The following ABCC12 variants were observed in gnomAD, a reference collection of about 807,000 sequenced individuals.
ABCC12 encodes ATP binding cassette subfamily C member 12.
In ABCC12, 142 loss-of-function variants were observed where a neutral mutation model predicts 151.1. The ratio of observed to expected loss-of-function variants is 0.94; its 90% CI spans 0.82 to 1.08. The LOEUF is 1.08. ABCC12 is among the 50% of genes least tolerant of loss of function. The probability of loss-of-function intolerance (pLI) is 0.00; values close to 1 mark genes in which losing one functional copy is unlikely to be tolerated. For missense variants in ABCC12, 1,638 were observed against 1,691.1 expected, an observed-to-expected ratio of 0.97 and a Z score of 0.55; for synonymous variants, 645 against 646.4, an observed-to-expected ratio of 1.00 and a Z score of 0.03.
chr16:48,133,611 C>T (rs754585087), intron 9 of ABCC12, 76 bp downstream of exon 9: 162 of 1,532,384 alleles, frequency 1.1e-4, no homozygotes, highest in Middle Eastern at 2.3e-4. Context: ...TATTGAGCGA[C>T]GGTAGGAAGG....
At chr16:48,103,908 A>G (rs1963390622) in intron 22 of ABCC12, among the ~76,000 whole-genome samples, 1 of 152,238 alleles carries the variant, frequency 6.6e-6, no homozygotes, top group Non-Finnish European at 1.5e-5. Flanking sequence ...AATCATGGCT[A>G]CTAGTTTCTT....
chr16:48,139,414 C>T, intron 6 of ABCC12, 78 bp from the exon 7 acceptor site: 1 of 1,462,630 alleles, frequency 6.8e-7, no homozygotes, highest in Non-Finnish European at 9.2e-7. Flanking sequence ...TTCAGATTGG[C>T]CGAGGGGATC....
At position 48,115,527 on chromosome 16, in the gene ABCC12, A is replaced by G; in HGVS notation, c.1877T>C (p.Leu626Pro). 2 of 1,614,220 alleles carry G rather than the reference A, an allele frequency of 1.2e-6. No individual in the cohort carries two copies. Among genetic ancestry groups the G allele is most frequent in the Non-Finnish European group, 1.7e-6 (2 of 1,180,032 alleles). The change falls in exon 15 of 31, where the codon CTG becomes CCG. Residue 626 changes from leucine to proline, a missense_variant. Transcript: ENST00000311303. ...GTCCACGGCCGACAGGGGGTCGTCC[A>G]GCAGGTAGAGCTGACGGTCGGAGTA... ...AVYSDRQLYL[L>P]DDPLSAVDAH...
intron 24 of ABCC12, 66 bp from the exon 25 acceptor site, chr16:48,091,275 T>G (rs368389616): frequency 1.8e-5 from 25 of 1,414,796 alleles, no homozygotes; most frequent in Non-Finnish European, 2.5e-5. Context: ...CAGCTCCCCG[T>G]TCAGGAGGCA....
Position 48,083,994 on chromosome 16 carries a change from A to G in ABCC12, c.3908T>C (p.Phe1303Ser). Residue 1303 changes from phenylalanine to serine, a missense_variant, in exon 30 of 31, where the codon TTC (phenylalanine) becomes TCC (serine). Coordinates refer to ENST00000311303, the MANE Select transcript of ABCC12 (RefSeq NM_001393797.1). ...TLVQNTIKDA[F>S]KGCTVLTIAH... ...GATGGTCAGCACAGTGCAGCCCTTG[A>G]AGGCATCTTTGATGGTGTTCTGAAC... 2 of 1,612,852 alleles carry G rather than the reference A, an allele frequency of 1.2e-6. No individual in the cohort carries two copies. The highest frequency in any genetic ancestry group is 1.7e-6 in the Non-Finnish European group (2 of 1,179,726).
chr16:48,110,734 T>C (rs987351487), intron 18 of ABCC12, among the ~76,000 whole-genome samples: 2 of 152,050 alleles, frequency 1.3e-5, no homozygotes, highest in African/African-American at 4.8e-5. Context: ...GAGGGACCAG[T>C]CCGAAGGCCA....
intron 21 of ABCC12, among the ~76,000 whole-genome samples, chr16:48,104,834 C>T (rs1963431656): frequency 1.3e-5 from 2 of 152,214 alleles, no homozygotes; most frequent in African/African-American, 2.4e-5. Flanking sequence ...TCTTGAGGGC[C>T]GTGTCGCACT....
chr16:48,153,956 C>G (rs1965150284), intron 1 of ABCC12, 72 bp from the exon 2 acceptor site: 1 of 152,214 alleles, frequency 6.6e-6, no homozygotes, highest in Non-Finnish European at 1.5e-5. Flanking sequence ...CCCCGTCTGT[C>G]ACGCCATCCT....
Position 48,128,618 on chromosome 16 carries a change from G to A in ABCC12, c.1356C>T (p.Thr452=), listed in dbSNP as rs1240481930. The change falls in exon 11 of 31, where the codon ACC becomes ACT. Residue 452 remains threonine (T), a synonymous_variant. Coordinates refer to ENST00000311303, the MANE Select transcript of ABCC12 (RefSeq NM_001393797.1). The stretch of plus-strand genomic sequence containing the variant: ...TTTTCTGGTTCTGCAATTTCTTTGG[G>A]GTACTTTTCCTGCTGGCTTCATGCT... The part of the protein sequence containing the change: ...TWEHEASRKS[T]PKKLQNQKRH... 6.2e-7 allele frequency: 1 copy of A among 1,614,146 alleles called. No homozygotes were observed. Among genetic ancestry groups the A allele is most frequent in the Non-Finnish European group, 8.5e-7 (1 of 1,180,034 alleles).
chr16:48,116,030 G>A (rs1409095418), intron 14 of ABCC12, among the ~76,000 whole-genome samples: 1 of 152,190 alleles, frequency 6.6e-6, no homozygotes, highest in South Asian at 2.1e-4. Flanking sequence ...ATGGAAAAGC[G>A]AGTTCCCTAT....
chr16:48,088,456 C>G, intron 26 of ABCC12, 89 bp downstream of exon 26: 1 of 1,423,282 alleles, frequency 7.0e-7, no homozygotes, highest in Non-Finnish European at 9.6e-7. Context: ...CACACATACA[C>G]ATCACTCTCT....
At position 48,088,703 on chromosome 16, in the gene ABCC12, T is replaced by G; in HGVS notation, c.3317A>C (p.Lys1106Thr). 6.2e-7 allele frequency: 1 copy of G among 1,613,838 alleles called. No individual in the cohort carries two copies. Among genetic ancestry groups the G allele is most frequent in the Admixed American group, 1.7e-5 (1 of 59,996 alleles). The change falls in exon 26 of 31, where the codon AAA (lysine) becomes ACA (threonine). Residue 1106 changes from lysine (K) to threonine (T), a missense_variant. Transcript: ENST00000311303. ...TCVPECTHPLKVGTCPKDWPS... is the reference protein window; with the variant it reads ...TCVPECTHPLTVGTCPKDWPS... ...CCAGTCCTTGGGACAGGTCCCCACT[T>G]TGAGGGGATGAGTGCATTCAGGAAC...
Position 48,128,537 on chromosome 16 carries a change from G to A in ABCC12, c.1437C>T (p.Ala479=). The change falls in exon 11 of 31, where the codon GCC becomes GCT. Residue 479 remains alanine, a synonymous_variant. Coordinates refer to ENST00000311303, the MANE Select transcript of ABCC12 (RefSeq NM_001393797.1). ...GCTCCTCTGGGCCAGTGGCTCCCTT[G>A]GCTGGTGGACTCCTCTCACTGTATG... The part of the protein sequence containing the change: ...SEAYSERSPP[A]KGATGPEEQS... 1 of 1,614,204 alleles carries A rather than the reference G, an allele frequency of 6.2e-7. No homozygotes were observed. The highest frequency in any genetic ancestry group is 8.5e-7 in the Non-Finnish European group (1 of 1,180,042).
chr16:48,117,213 A>T (rs755528733), intron 14 of ABCC12, 48 bp downstream of exon 14: 1 of 1,567,830 alleles, frequency 6.4e-7, no homozygotes, highest in Admixed American at 1.8e-5. Flanking sequence ...ACCTGAGCAA[A>T]TGTACTGTGT....
rs1962404391 is a variant in ABCC12 at position 48,082,923 on chromosome 16, C to A, written c.*792G>T. ...ACCAGCCTCCAGGTTGGAGAGAAAG[C>A]TTTTTGTTTGGTAAGCGACTGTGAA... On this transcript the variant is annotated 3_prime_UTR_variant, in exon 31 of 31. Transcript: ENST00000311303. 6.6e-6 allele frequency: 1 copy of A among 152,120 alleles called. No individual in the cohort carries two copies. Among genetic ancestry groups the A allele is most frequent in the African/African-American group, 2.4e-5 (1 of 41,416 alleles). 9.4% of individuals were successfully genotyped at this position (152,120 alleles called of 1,614,324 possible). A position where few individuals can be genotyped will look rare whatever the true frequency, so the allele number is the denominator to read the frequency against.
rs982062051 is a variant in ABCC12 at position 48,096,886 on chromosome 16, T to A, written c.3055A>T (p.Asn1019Tyr). 6.2e-7 allele frequency: 1 copy of A among 1,613,918 alleles called. No homozygotes were observed. Among genetic ancestry groups the A allele is most frequent in the Non-Finnish European group, 8.5e-7 (1 of 1,180,020 alleles). The change falls in exon 24 of 31, where the codon AAC becomes TAC. Residue 1019 changes from asparagine to tyrosine, a missense_variant. Physicochemically the swap from Asn to Tyr is moderately radical, Grantham distance 143 (BLOSUM62 -2). Coordinates refer to ENST00000311303, the MANE Select transcript of ABCC12 (RefSeq NM_001393797.1). Reference sequence around the variant, plus strand: ...AGCGCAAACCACCTGAGAGCACAGTTAAAGTAGAGGAGGTGACTGGAGTTT... The same window carrying A: ...AGCGCAAACCACCTGAGAGCACAGTAAAAGTAGAGGAGGTGACTGGAGTTT... ...SCITYHLLYFNCALRWFALRM... is the reference protein window; with the variant it reads ...SCITYHLLYFYCALRWFALRM...
chr16:48,107,981 C>G (rs981697682), intron 19 of ABCC12, among the ~76,000 whole-genome samples: 4 of 151,664 alleles, frequency 2.6e-5, no homozygotes, highest in African/African-American at 9.7e-5. Flanking sequence ...TGCACTCCAG[C>G]CTGGGTGACA....
intron 15 of ABCC12, among the ~76,000 whole-genome samples, chr16:48,112,171 C>T (rs910798689): frequency 6.6e-6 from 1 of 152,064 alleles, no homozygotes; most frequent in African/African-American, 2.4e-5. Context: ...CAGATTGGCC[C>T]CCAGCACAGA....
At chr16:48,097,895 T>C (rs1436311871) in intron 23 of ABCC12, among the ~76,000 whole-genome samples, 3 of 152,114 alleles carry the variant, frequency 2.0e-5, no homozygotes, top group Non-Finnish European at 4.4e-5. Context: ...ATCTGCACAG[T>C]GCATTGCAGC....
Sources: gnomAD v4.1 joint callset for allele counts (sites outside exome capture counted in the v4.1 genomes callset) on GRCh38, gnomAD v4.1.1 for gene constraint, MANE v1.5 for transcripts, NCBI Gene and HGNC (gene_info 2026-07-23, HGNC 2026-07-21) for gene names.